The following MOCOS variants were observed in gnomAD, a reference collection of about 807,000 sequenced individuals.
MOCOS encodes human molybdenum cofactor sulfurase.
A neutral mutation model predicts 83.6 loss-of-function variants in MOCOS; 86 were observed. The ratio of observed to expected loss-of-function variants is 1.03; its 90% CI spans 0.86 to 1.23. The LOEUF (loss-of-function observed/expected upper bound fraction) is 1.23. MOCOS is among the 50% of genes most tolerant of loss of function. The probability of loss-of-function intolerance (pLI) is 0.00; values close to 1 mark genes in which losing one functional copy is unlikely to be tolerated. For missense variants in MOCOS, 1,120 were observed against 1,126.9 expected, an observed-to-expected ratio of 0.99 and a Z score of 0.09; for synonymous variants, 445 against 434.7, an observed-to-expected ratio of 1.02 and a Z score of -0.29.
At position 36,250,812 on chromosome 18, in the gene MOCOS, A is replaced by T. The variant is rs570803727; in HGVS notation, c.2040-347A>T. ...CAGGCCCATAGTGAACAAATAGGAC[A>T]TATTTCTGGGTTCAAGGGCTTCTGA... On this transcript the variant is annotated intron_variant, in intron 10 of 14. Transcript: ENST00000261326. 2.0e-5 allele frequency among the ~76,000 whole-genome samples: 3 copies of T among 152,342 alleles called. No homozygotes were observed. In the East Asian group the frequency reaches 5.8e-4, roughly 29 times the overall value.
chr18:36,229,354 T>C (rs975410128), intron 9 of MOCOS, among the ~76,000 whole-genome samples: 5 of 152,218 alleles, frequency 3.3e-5, no homozygotes, highest in African/African-American at 1.2e-4. Context: ...GCCTACAAAA[T>C]TTCTGCTGAA....
At chr18:36,251,968 G>T (rs1402190445) in intron 11 of MOCOS, among the ~76,000 whole-genome samples, 1 of 152,038 alleles carries the variant, frequency 6.6e-6, no homozygotes, top group Non-Finnish European at 1.5e-5. Context: ...TTTCTCAGTG[G>T]CACATTTTTT....
intron 9 of MOCOS, among the ~76,000 whole-genome samples, chr18:36,237,491 C>G (rs2091563866): frequency 3.3e-5 from 5 of 152,202 alleles, no homozygotes; most frequent in Admixed American, 2.6e-4. Flanking sequence ...CCCAGTTGAT[C>G]ATGGTGGATA....
intron 3 of MOCOS, 77 bp from the exon 4 acceptor site, chr18:36,199,606 T>C (rs1473589842): frequency 1.1e-5 from 18 of 1,600,054 alleles, no homozygotes; most frequent in Non-Finnish European, 1.5e-5. Flanking sequence ...TCATAGTTAA[T>C]AGAAATAAAA....
chr18:36,234,197 T>C (rs1419867420), intron 9 of MOCOS, among the ~76,000 whole-genome samples: 1 of 152,170 alleles, frequency 6.6e-6, no homozygotes, highest in Admixed American at 6.5e-5. Context: ...CCATCTTCAG[T>C]TGATTTTTGT....
chr18:36,249,660 G>A lies in MOCOS; in HGVS notation c.2039+660G>A, dbSNP rs562819928. Among the ~76,000 whole-genome samples the A allele has an allele frequency of 1.4e-4, 21 of 152,200 alleles. No homozygotes were observed. The South Asian group carries it at 4.4e-3, about 32-fold the overall frequency. On this transcript the variant is annotated intron_variant, in intron 10 of 14. Transcript: ENST00000261326. ...AGGGGGAAGGGGTGCAAGCAGGAAG[G>A]CCACATAAGCACCTGTGTTAGCAAC...
intron 13 of MOCOS, among the ~76,000 whole-genome samples, chr18:36,261,377 TA>T (rs55783469): frequency 0.27 from 40,166 of 150,434 alleles, 5,540 homozygotes; most frequent in Admixed American, 0.3. Context: ...ATTCCAAAAT[TA>T]AAAAAAAAAT....
At chr18:36,259,242 A>G (rs946462042) in intron 12 of MOCOS, among the ~76,000 whole-genome samples, 15 of 152,056 alleles carry the variant, frequency 9.9e-5, no homozygotes, top group African/African-American at 1.4e-4. Flanking sequence ...CAGGAGTTCA[A>G]ACCCAGCCTG....
chr18:36,229,509 G>C (rs994536177), intron 9 of MOCOS, among the ~76,000 whole-genome samples: 3 of 152,094 alleles, frequency 2.0e-5, no homozygotes, highest in African/African-American at 7.2e-5. Context: ...TTTGGTATCT[G>C]TTGGGCTTTT....
intron 9 of MOCOS, among the ~76,000 whole-genome samples, chr18:36,244,836 G>A (rs967569202): frequency 6.6e-6 from 1 of 151,872 alleles, no homozygotes; most frequent in African/African-American, 2.4e-5. Context: ...TTTAGAATTG[G>A]GACACTTTCC....
At position 36,249,001 on chromosome 18, in the gene MOCOS, G is replaced by A; in HGVS notation, c.2039+1G>A. On this transcript the variant is annotated splice_donor_variant, in intron 10 of 14. Coordinates refer to ENST00000261326, the MANE Select transcript of MOCOS (RefSeq NM_017947.4). LOFTEE classifies it high-confidence loss of function. Reference sequence around the variant, plus strand: ...GCCAAAGCAGGGTCTGTGCTGACAGGTGAGACTCTGAAGCACGTGAAAATC... The same window carrying A: ...GCCAAAGCAGGGTCTGTGCTGACAGATGAGACTCTGAAGCACGTGAAAATC... The A allele has an allele frequency of 6.2e-7, 1 of 1,613,912 alleles. No homozygotes were observed. Among genetic ancestry groups the A allele is most frequent in the Non-Finnish European group, 8.5e-7 (1 of 1,179,814 alleles).
chr18:36,265,746 T>G (rs1484279956), intron 13 of MOCOS, among the ~76,000 whole-genome samples: 1 of 150,914 alleles, frequency 6.6e-6, no homozygotes, highest in Non-Finnish European at 1.5e-5. Flanking sequence ...TATGGATATA[T>G]ATATATATAT....
chr18:36,222,726 C>G (rs375753722), intron 9 of MOCOS, among the ~76,000 whole-genome samples: 405 of 151,990 alleles, frequency 2.7e-3, no homozygotes, highest in African/African-American at 9.3e-3. Context: ...CTCAGCCTTC[C>G]CAGTAGCTGG....
chr18:36,257,119 C>A, intron 12 of MOCOS, 46 bp downstream of exon 12: 1 of 1,530,350 alleles, frequency 6.5e-7, no homozygotes, highest in Non-Finnish European at 9.1e-7. Flanking sequence ...TAACCATTTG[C>A]CACTGGGAGC....
chr18:36,240,166 C>T lies in MOCOS; in HGVS notation c.1961-8756C>T, dbSNP rs1325814033. 7.2e-5 allele frequency among the ~76,000 whole-genome samples: 10 copies of T among 139,068 alleles called. No homozygotes were observed. The South Asian group carries it at 1.7e-3, about 24-fold the overall frequency. The allele number at this position is 139,068 out of a possible 152,430, so 91.2% of individuals were successfully genotyped here. On this transcript the variant is annotated intron_variant, in intron 9 of 14. Transcript: ENST00000261326. ...AGTCATTCTCCGTCCAGCTTTGTTC[C>T]GTTGCTGGTGAGGAGCTGCGTTCCT...
chr18:36,251,284 G>T lies in MOCOS; in HGVS notation c.2164+1G>T. ...AATGCAAAGAAGAAACATGGAAAAG[G>T]TATTACATTTTGAATTGGTTCGTAG... On this transcript the variant is annotated splice_donor_variant, in intron 11 of 14. Transcript: ENST00000261326. LOFTEE classifies it high-confidence loss of function. 1.2e-6 allele frequency: 2 copies of T among 1,613,950 alleles called. No individual in the cohort carries two copies. The highest frequency in any genetic ancestry group is 1.7e-6 in the Non-Finnish European group (2 of 1,179,950).
intron 12 of MOCOS, among the ~76,000 whole-genome samples, chr18:36,259,540 A>G (rs909774658): frequency 8.0e-6 from 1 of 124,412 alleles, no homozygotes; most frequent in African/African-American, 3.0e-5. Context: ...TTTATTTATA[A>G]TGTTTTAATA....
At chr18:36,242,094 G>T (rs1353712471) in intron 9 of MOCOS, among the ~76,000 whole-genome samples, 3 of 152,206 alleles carry the variant, frequency 2.0e-5, no homozygotes, top group African/African-American at 7.2e-5. Flanking sequence ...TTGGCTCCTG[G>T]TTACTTATGC....
At chr18:36,224,657 CT>C (rs35909103) in intron 9 of MOCOS, among the ~76,000 whole-genome samples, 49,367 of 151,900 alleles carry the variant, frequency 0.32, 8,593 homozygotes, top group South Asian at 0.56. Flanking sequence ...GTGTATGATC[CT>C]TTTAATGTAC....
Sources: allele counts gnomAD v4.1 joint callset (sites outside exome capture counted in the v4.1 genomes callset), GRCh38; gene constraint gnomAD v4.1.1; transcripts MANE v1.5; gene names NCBI Gene and HGNC (gene_info 2026-07-23, HGNC 2026-07-21).